Variants in CEP250 observed in about 807,000 individuals in gnomAD.
CEP250 encodes the protein centrosome-associated protein CEP250.
CEP250 carries 242 observed loss-of-function variants against 315.7 expected under a neutral mutation model. The observed-to-expected ratio is 0.77, with a 90% CI of 0.69 to 0.85. CEP250 has a LOEUF of 0.85. Ranked by LOEUF, CEP250 falls within the 40% of genes least tolerant of loss-of-function variation. The probability of loss-of-function intolerance (pLI) is 0.00; values close to 1 mark genes in which losing one functional copy is unlikely to be tolerated. For synonymous variants in CEP250, 1,088 were observed against 1,175.0 expected (o/e 0.93, Z 1.51); for missense variants, 2,515 against 2,886.4 (o/e 0.87, Z 2.95).
chr20:35,478,213 A>G, intron 17 of CEP250, 112 bp downstream of exon 17: 1 of 734,742 alleles, frequency 1.4e-6, no homozygotes, highest in South Asian at 1.9e-5. Flanking sequence ...CTTCCTAGAA[A>G]TGACCAGTGT....
chr20:35,461,534 C>G (rs1275778560), intron 3 of CEP250, among the ~76,000 whole-genome samples: 1 of 152,226 alleles, frequency 6.6e-6, no homozygotes, highest in Non-Finnish European at 1.5e-5. Context: ...CATCCTGCTG[C>G]CACTGGTTCC....
At chr20:35,508,407 C>G (rs531225789) in intron 32 of CEP250, among the ~76,000 whole-genome samples, 2 of 152,062 alleles carry the variant, frequency 1.3e-5, no homozygotes, top group South Asian at 2.1e-4. Flanking sequence ...CTCCACCTCC[C>G]GGGTTCAAGC....
intron 24 of CEP250, 95 bp downstream of exon 24, chr20:35,494,752 C>T (rs961411381): frequency 1.2e-5 from 17 of 1,415,156 alleles, no homozygotes; most frequent in Non-Finnish European, 1.6e-5. Flanking sequence ...CCTTGCCTTT[C>T]ATGTCTGCAA....
rs1260462200 is a variant in CEP250, at chr20:35,479,318, G to T, written c.2182G>T (p.Val728Phe). Residue 728 changes from valine to phenylalanine, a missense_variant, in exon 18 of 35, where the codon GTC (valine) becomes TTC (phenylalanine). Val to Phe is a conservative substitution (Grantham distance 50, BLOSUM62 -1). Transcript: ENST00000397527. The part of the protein sequence containing the change: ...KRQEEVLARA[V>F]QEKEALVREK... ...ACAGGAAGAAGTGCTTGCCAGGGCA[G>T]TCCAGGAGAAGGAGGCCCTAGTACG... The T allele has an allele frequency of 2.5e-6, 4 of 1,614,104 alleles. No individual in the cohort carries two copies. Among genetic ancestry groups the T allele is most frequent in the Non-Finnish European group, 3.4e-6 (4 of 1,180,048 alleles).
rs772988923 is a variant in CEP250, at chr20:35,498,653, T to C, written c.3714T>C (p.Ala1238=). 1.7e-5 allele frequency: 27 copies of C among 1,608,176 alleles called. No individual in the cohort carries two copies. The highest frequency in any genetic ancestry group is 5.1e-5 in the Admixed American group (3 of 58,284). The change falls in exon 27 of 35, where the codon GCT becomes GCC. Residue 1238 remains alanine, a synonymous_variant. Coordinates refer to ENST00000397527, the MANE Select transcript of CEP250 (RefSeq NM_007186.6). Reference sequence around the variant, plus strand: ...GGCCCCTGCTGACTGCTCTCTCCGCTGAGGCAGTAGCATCTGCCCTCCACA... The same window carrying C: ...GGCCCCTGCTGACTGCTCTCTCCGCCGAGGCAGTAGCATCTGCCCTCCACA... ...KRGPLLTALS[A]EAVASALHKL... is the part of the protein sequence containing the mutation.
chr20:35,462,675 G>A (rs1301588443), intron 4 of CEP250, 122 bp downstream of exon 4: 2 of 752,482 alleles, frequency 2.7e-6, no homozygotes, highest in African/African-American at 1.8e-5. Flanking sequence ...CTAGCATGGT[G>A]AGATAAGACC....
Position 35,496,642 on chromosome 20 carries a change from G to A in CEP250, c.3233G>A (p.Arg1078Gln), listed in dbSNP as rs551110184. The change falls in exon 25 of 35, where the codon CGA (arginine) becomes CAA (glutamine). Residue 1078 changes from arginine (R) to glutamine (Q), a missense_variant. Coordinates refer to ENST00000397527, the MANE Select transcript of CEP250 (RefSeq NM_007186.6). The stretch of plus-strand genomic sequence containing the variant: ...GTTTTACAAGAAGCTGACTCTATTC[G>A]ACAACAAGAGCTGAGTGCCCTGCGC... ...LLVLQEADSIRQQELSALRQD... is the reference protein window; with the variant it reads ...LLVLQEADSIQQQELSALRQD... 19 of 1,613,978 alleles carry A rather than the reference G, an allele frequency of 1.2e-5. No homozygotes were observed. The East Asian group carries it at 1.3e-4, about 11-fold the overall frequency.
chr20:35,462,854 T>G (rs1272288887), intron 4 of CEP250, among the ~76,000 whole-genome samples: 1 of 152,124 alleles, frequency 6.6e-6, no homozygotes, highest in Non-Finnish European at 1.5e-5. Flanking sequence ...CTCAACCTCC[T>G]GGGCTCAGGC....
intron 27 of CEP250, 49 bp downstream of exon 27, chr20:35,498,765 G>T: frequency 6.6e-7 from 1 of 1,514,354 alleles, no homozygotes. Flanking sequence ...CCCTGGAAAA[G>T]CATGAGGCAA....
In CEP250 at chr20:35,508,182, T is replaced by C. The variant is rs535604273; in HGVS notation, c.6898T>C (p.Leu2300=). ...QRHNVQLRST[L]EQVERERRKL... ...CCACAATGTCCAGCTGCGGAGTACC[T>C]TGGAGCAGGTGACCCCTCTTCTTGT... is the stretch of plus-strand genomic sequence containing the variant. Residue 2300 remains leucine, a synonymous_variant, in exon 32 of 35, where the codon TTG becomes CTG. Coordinates refer to ENST00000397527, the MANE Select transcript of CEP250 (RefSeq NM_007186.6). 4.8e-5 allele frequency: 77 copies of C among 1,613,946 alleles called. 1 individual carries two copies. In the South Asian group the frequency reaches 7.6e-4, roughly 16 times the overall value.
chr20:35,494,732 G>T (rs2063790323), intron 24 of CEP250, 75 bp downstream of exon 24: 8 of 1,553,020 alleles, frequency 5.2e-6, no homozygotes, highest in Non-Finnish European at 7.0e-6. Context: ...ACAGTTGTTT[G>T]CTCAGGCCAC....
At chr20:35,488,278 C>T (rs2063576321) in intron 20 of CEP250, among the ~76,000 whole-genome samples, 1 of 152,154 alleles carries the variant, frequency 6.6e-6, no homozygotes, top group Admixed American at 6.6e-5. Flanking sequence ...CATATTTTTA[C>T]AGTTGGCTTT....
chr20:35,494,037 CA>C (rs1321242057), intron 23 of CEP250, among the ~76,000 whole-genome samples: 1 of 152,076 alleles, frequency 6.6e-6, no homozygotes, highest in African/African-American at 2.4e-5. Context: ...GGCTGAAGTG[CA>C]GATCATAACT....
upstream of CEP250, chr20:35,455,589 C>G (rs2062600561): frequency 1.3e-5 from 2 of 152,194 alleles, no homozygotes; most frequent in African/African-American, 4.8e-5. Flanking sequence ...GTAATCTATC[C>G]GAAAGCCCAG....
Position 35,518,498 on chromosome 20 carries a change from G to C in CEP250, c.*6872G>C, listed in dbSNP as rs1002789491. On this transcript the variant is annotated 3_prime_UTR_variant, in exon 35 of 35. Transcript: ENST00000397527. ...TTTCTACCAAAAAGGCAGGATAAAT[G>C]CTCCCTCAACACACACCTTTAATTA... 6.6e-6 allele frequency: 1 copy of C among 152,258 alleles called. No homozygotes were observed. Among genetic ancestry groups the C allele is most frequent in the Non-Finnish European group, 1.5e-5 (1 of 68,028 alleles). 9.4% of individuals were successfully genotyped at this position (152,258 alleles called of 1,614,324 possible).
At chr20:35,472,193 C>G in intron 11 of CEP250, 42 bp downstream of exon 11, 1 of 1,169,034 alleles carries the variant, frequency 8.6e-7, no homozygotes, top group Non-Finnish European at 1.3e-6. Context: ...GGTTATGCCT[C>G]CACTCCCCAG....
At chr20:35,460,742 CTA>C (rs2062737000) in intron 3 of CEP250, among the ~76,000 whole-genome samples, 1 of 152,238 alleles carries the variant, frequency 6.6e-6, no homozygotes, top group South Asian at 2.1e-4. Context: ...TTCTTAAAAA[CTA>C]TTATGTGGGC....
chr20:35,460,563 G>A (rs1036516191), intron 3 of CEP250, among the ~76,000 whole-genome samples: 2 of 152,108 alleles, frequency 1.3e-5, no homozygotes, highest in Non-Finnish European at 2.9e-5. Flanking sequence ...TCAACTGCAC[G>A]GAGCGCGTGC....
chr20:35,499,916 T>C (rs1333525513), intron 27 of CEP250, 133 bp from the exon 28 acceptor site: 6 of 1,101,026 alleles, frequency 5.4e-6, no homozygotes, highest in Non-Finnish European at 8.0e-6. Context: ...TTAAAGGAAG[T>C]AACCCGGCAA....
Sources: allele counts gnomAD v4.1 joint callset (sites outside exome capture counted in the v4.1 genomes callset), GRCh38; gene constraint gnomAD v4.1.1; transcripts MANE v1.5; gene names NCBI Gene and HGNC (gene_info 2026-07-23, HGNC 2026-07-21).